Variants in DPYSL3 observed in about 807,000 individuals in gnomAD.
DPYSL3 encodes dihydropyrimidinase-related protein 3.
Under a neutral mutation model 66.1 loss-of-function variants are expected in DPYSL3, and 16 were observed. That is an observed-to-expected ratio of 0.24 (90% confidence interval 0.16 to 0.37). The LOEUF (loss-of-function observed/expected upper bound fraction) is 0.37, where lower values mean the gene tolerates loss of function less well. DPYSL3 is among the 10% of genes least tolerant of loss of function. The pLI, the probability that DPYSL3 is intolerant of heterozygous loss-of-function variation, is 1.00. For synonymous variants in DPYSL3, 338 were observed against 345.1 expected (o/e 0.98, Z 0.23); for missense variants, 738 against 916.2 (o/e 0.81, Z 2.51).
intron 1 of DPYSL3, among the ~76,000 whole-genome samples, chr5:147,465,457 G>T (rs1422756026): frequency 1.3e-5 from 2 of 151,988 alleles, no homozygotes; most frequent in African/African-American, 4.8e-5. Context: ...CTGCCGCCAC[G>T]CCTGGCTAAT....
intron 2 of DPYSL3, among the ~76,000 whole-genome samples, chr5:147,424,116 A>C (rs1752143654): frequency 6.6e-6 from 1 of 152,166 alleles, no homozygotes; most frequent in Non-Finnish European, 1.5e-5. Flanking sequence ...AACTATATGT[A>C]AGCCAATTTT....
chr5:147,447,382 A>T (rs1396839411), intron 1 of DPYSL3, among the ~76,000 whole-genome samples: 2 of 152,194 alleles, frequency 1.3e-5, no homozygotes, highest in East Asian at 3.8e-4. Flanking sequence ...TGTTTCGTAT[A>T]TTGAAATAGG....
At chr5:147,424,362 C>T (rs1489213837) in intron 2 of DPYSL3, among the ~76,000 whole-genome samples, 1 of 152,156 alleles carries the variant, frequency 6.6e-6, no homozygotes, top group African/African-American at 2.4e-5. Context: ...TAAAACTTAC[C>T]TGGCTGTGCC....
intron 8 of DPYSL3, among the ~76,000 whole-genome samples, chr5:147,403,892 G>C (rs1758263395): frequency 6.6e-6 from 1 of 152,168 alleles, no homozygotes; most frequent in African/African-American, 2.4e-5. Context: ...AGAGAATTAT[G>C]TGCCAAAAGG....
chr5:147,428,133 A>G (rs547349562), intron 1 of DPYSL3, among the ~76,000 whole-genome samples: 1 of 152,364 alleles, frequency 6.6e-6, no homozygotes, highest in Non-Finnish European at 1.5e-5. Flanking sequence ...CTTTTCAAAT[A>G]GTAATTAAAT....
In DPYSL3 at chr5:147,395,613, T is replaced by C; in HGVS notation, c.1912A>G (p.Thr638Ala). The change falls in exon 13 of 14, where the codon ACT becomes GCT. Residue 638 changes from threonine to alanine, a missense_variant. By Grantham distance (58) the Thr-to-Ala change is moderately conservative. Coordinates refer to ENST00000343218, the MANE Select transcript of DPYSL3 (RefSeq NM_001197294.2). ...TPAGSARGSPTRPNPPVRNLH... is the reference protein window; with the variant it reads ...TPAGSARGSPARPNPPVRNLH... ...TTCCTCACAGGTGGGTTCGGCCGAG[T>C]AGGAGAGCCCCGAGCAGAGCCTGCG... The C allele has an allele frequency of 1.9e-6, 3 of 1,613,728 alleles. No individual in the cohort carries two copies. Among genetic ancestry groups the C allele is most frequent in the Non-Finnish European group, 2.5e-6 (3 of 1,179,926 alleles).
chr5:147,481,287 A>C (rs6888713), intron 1 of DPYSL3, among the ~76,000 whole-genome samples: 2,889 of 152,288 alleles, frequency 0.019, 92 homozygotes, highest in African/African-American at 0.066. Context: ...GGCTGCTGTA[A>C]TAATTTAAAA....
At chr5:147,403,638 GC>G (rs1041017552) in intron 8 of DPYSL3, among the ~76,000 whole-genome samples, 12 of 152,288 alleles carry the variant, frequency 7.9e-5, no homozygotes, top group African/African-American at 2.6e-4. Context: ...ATTCTGAGCA[GC>G]CATATAGTTA....
chr5:147,506,066 CT>C (rs1183986268), intron 1 of DPYSL3, among the ~76,000 whole-genome samples: 1 of 152,086 alleles, frequency 6.6e-6, no homozygotes, highest in Non-Finnish European at 1.5e-5. Context: ...AGGAAACGAC[CT>C]TTTGAGCACT....
chr5:147,461,398 T>C (rs1752929351), intron 1 of DPYSL3, among the ~76,000 whole-genome samples: 1 of 152,154 alleles, frequency 6.6e-6, no homozygotes, highest in African/African-American at 2.4e-5. Context: ...TCAGGCTCAC[T>C]GTAAAACCCC....
At chr5:147,434,404 G>A (rs1020707225) in intron 1 of DPYSL3, among the ~76,000 whole-genome samples, 3 of 152,100 alleles carry the variant, frequency 2.0e-5, no homozygotes, top group South Asian at 2.1e-4. Flanking sequence ...TTACATATGC[G>A]GACTAGAGAA....
In DPYSL3 at chr5:147,509,883, G is replaced by A. The variant is rs576120785; in HGVS notation, c.-25C>T. Reference sequence around the variant, plus strand: ...TGGTTCAAGCACGAAAGCGGCCCGCGGGTTTTTCTTCCCCAGAGGCGGAAA... The same window carrying A: ...TGGTTCAAGCACGAAAGCGGCCCGCAGGTTTTTCTTCCCCAGAGGCGGAAA... On this transcript the variant is annotated 5_prime_UTR_variant, in exon 1 of 14. Transcript: ENST00000343218. This position sits in a 1 kb window ranked among gnomAD's most constrained non-coding sequence, Gnocchi z 5.3. 1.2e-4 allele frequency: 173 copies of A among 1,488,690 alleles called. 1 individual carries two copies. In the African/African-American group the frequency reaches 2.2e-3, roughly 19 times the overall value. The allele number at this position is 1,488,690 out of a possible 1,614,324, so 92.2% of individuals were successfully genotyped here.
intron 3 of DPYSL3, 104 bp from the exon 4 acceptor site, chr5:147,415,977 T>A (rs1751959736): frequency 1.5e-6 from 2 of 1,297,702 alleles, no homozygotes; most frequent in Non-Finnish European, 2.1e-6. Flanking sequence ...GAATCTCTAT[T>A]TCCTGAGCAT....
chr5:147,415,915 C>T (rs1751958198), intron 3 of DPYSL3, 42 bp from the exon 4 acceptor site: 2 of 1,598,762 alleles, frequency 1.3e-6, no homozygotes, highest in Admixed American at 1.7e-5. Context: ...TCAGACACAG[C>T]CTTTGCTCCC....
intron 1 of DPYSL3, chr5:147,453,842 G>A (rs1752794878): frequency 1.0e-6 from 1 of 990,776 alleles, no homozygotes. Context: ...TCACGCCCGG[G>A]TTTTGTTTTT....
intron 1 of DPYSL3, among the ~76,000 whole-genome samples, chr5:147,504,851 T>A (rs1349040159): frequency 6.6e-6 from 1 of 152,194 alleles, no homozygotes; most frequent in African/African-American, 2.4e-5. Context: ...AATCATAATG[T>A]CATTACTTTG....
At chr5:147,397,299 A>G (rs2152015288) in intron 12 of DPYSL3, among the ~76,000 whole-genome samples, 1 of 152,174 alleles carries the variant, frequency 6.6e-6, no homozygotes, top group African/African-American at 2.4e-5. Flanking sequence ...GCAGCACTGG[A>G]CAGAATGACA....
At chr5:147,404,486 T>C (rs936013299) in intron 8 of DPYSL3, among the ~76,000 whole-genome samples, 7 of 152,224 alleles carry the variant, frequency 4.6e-5, no homozygotes, top group African/African-American at 1.7e-4. Context: ...ATCACCCATG[T>C]TGGGCCTCTC....
intron 1 of DPYSL3, among the ~76,000 whole-genome samples, chr5:147,459,625 G>C (rs1441193543): frequency 6.6e-6 from 1 of 151,900 alleles, no homozygotes; most frequent in Non-Finnish European, 1.5e-5. Context: ...TACAGCCACA[G>C]AAAAGTATTC....
Sources: allele counts gnomAD v4.1 joint callset (sites outside exome capture counted in the v4.1 genomes callset), GRCh38; gene constraint gnomAD v4.1.1; non-coding constraint Gnocchi (gnomAD v3.1); transcripts MANE v1.5; gene names NCBI Gene and HGNC (gene_info 2026-07-23, HGNC 2026-07-21).